Variants in CTNNA3 observed in about 807,000 individuals in gnomAD.
CTNNA3 encodes catenin alpha-3.
Under a neutral mutation model 95.7 loss-of-function variants are expected in CTNNA3, and 76 were observed. The observed-to-expected ratio is 0.79, with a 90% confidence interval of 0.66 to 0.96. CTNNA3 has a LOEUF of 0.96. CTNNA3 is among the 40% of genes least tolerant of loss of function. The pLI is 0.00. For missense variants in CTNNA3, 1,191 were observed against 1,089.8 expected (o/e 1.09, Z -1.31); for synonymous variants, 431 against 374.4 (o/e 1.15, Z -1.74).
chr10:67,178,864 C>T (rs1249292691), intron 7 of CTNNA3, among the ~76,000 whole-genome samples: 2 of 151,846 alleles, frequency 1.3e-5, no homozygotes, highest in African/African-American at 2.4e-5. Flanking sequence ...ATATTATATG[C>T]TAAAAATGGG....
intron 7 of CTNNA3, among the ~76,000 whole-genome samples, chr10:66,812,807 A>G (rs1841934230): frequency 1.3e-5 from 2 of 152,302 alleles, no homozygotes; most frequent in South Asian, 4.1e-4. Flanking sequence ...TTCTAGATGT[A>G]TAACTGCAAA....
chr10:67,270,479 T>C (rs2132415925), intron 5 of CTNNA3, among the ~76,000 whole-genome samples: 1 of 152,270 alleles, frequency 6.6e-6, no homozygotes, highest in East Asian at 1.9e-4. Context: ...ATACCAAAAA[T>C]AGTACTTAAG....
intron 5 of CTNNA3, among the ~76,000 whole-genome samples, chr10:67,305,200 C>T (rs568960606): frequency 7.9e-5 from 12 of 152,034 alleles, no homozygotes; most frequent in Admixed American, 2.0e-4. Flanking sequence ...GGTGTGAACC[C>T]GGGAGGTGGA....
intron 3 of CTNNA3, among the ~76,000 whole-genome samples, chr10:67,601,173 C>A (rs1843072281): frequency 2.0e-5 from 3 of 152,126 alleles, no homozygotes; most frequent in African/African-American, 4.8e-5. Flanking sequence ...CTTCAATAAA[C>A]CATTTAAAAC....
intron 7 of CTNNA3, among the ~76,000 whole-genome samples, chr10:66,890,128 T>C (rs1845209901): frequency 6.6e-6 from 1 of 152,070 alleles, no homozygotes; most frequent in Non-Finnish European, 1.5e-5. Flanking sequence ...GAAAGCAAAA[T>C]TTCCATTTTG....
At chr10:67,223,889 T>G (rs1461071599) in intron 5 of CTNNA3, among the ~76,000 whole-genome samples, 1 of 152,202 alleles carries the variant, frequency 6.6e-6, no homozygotes, top group Non-Finnish European at 1.5e-5. Context: ...GGACAGTCTC[T>G]CAGTTTGAAG....
intron 6 of CTNNA3, among the ~76,000 whole-genome samples, chr10:67,205,496 G>T (rs1249063493): frequency 6.6e-6 from 1 of 152,136 alleles, no homozygotes; most frequent in Non-Finnish European, 1.5e-5. Context: ...ACTGTGAAAA[G>T]TCATTAAACA....
At chr10:67,741,062 A>G (rs1215236278) in intron 1 of CTNNA3, among the ~76,000 whole-genome samples, 2 of 151,206 alleles carry the variant, frequency 1.3e-5, no homozygotes, top group African/African-American at 4.8e-5. Context: ...CGCAAGAACA[A>G]AAAAACAAAC....
intron 7 of CTNNA3, among the ~76,000 whole-genome samples, chr10:66,950,720 A>T (rs1276805855): frequency 1.3e-5 from 2 of 152,210 alleles, no homozygotes; most frequent in Non-Finnish European, 2.9e-5. Context: ...CAACCTTTGT[A>T]GCTACATGCA....
chr10:67,754,007 A>C (rs1373360507), intron 1 of CTNNA3, among the ~76,000 whole-genome samples: 1 of 152,216 alleles, frequency 6.6e-6, no homozygotes, highest in East Asian at 1.9e-4. Flanking sequence ...ATAAAGATAC[A>C]TGCACACATA....
At chr10:66,999,372 T>A (rs1363487357) in intron 7 of CTNNA3, among the ~76,000 whole-genome samples, 3 of 152,250 alleles carry the variant, frequency 2.0e-5, no homozygotes, top group South Asian at 2.1e-4. Context: ...AAACTTGGGA[T>A]TCCTGAAAAA....
intron 2 of CTNNA3, among the ~76,000 whole-genome samples, chr10:67,609,066 G>A (rs979952396): frequency 2.4e-5 from 3 of 125,814 alleles, no homozygotes; most frequent in Non-Finnish European, 4.7e-5. Context: ...CTCCAGCCTG[G>A]GCAACAAGGG....
At chr10:66,046,702 AAGAT>A (rs548487011) in intron 15 of CTNNA3, among the ~76,000 whole-genome samples, 17 of 152,236 alleles carry the variant, frequency 1.1e-4, no homozygotes, top group East Asian at 7.7e-4. Context: ...AAAAAATAAT[AAGAT>A]AGATAGGCTA....
At chr10:66,366,685 T>C (rs765561254) in intron 12 of CTNNA3, among the ~76,000 whole-genome samples, 5 of 152,156 alleles carry the variant, frequency 3.3e-5, no homozygotes, top group South Asian at 2.1e-4. Flanking sequence ...TGTTTATAAC[T>C]TGCCCAGACT....
At chr10:66,899,692 G>A (rs1006594127) in intron 7 of CTNNA3, among the ~76,000 whole-genome samples, 3 of 152,102 alleles carry the variant, frequency 2.0e-5, no homozygotes, top group Non-Finnish European at 2.9e-5. Flanking sequence ...CAGACCAGGC[G>A]ATTCCCTCCC....
chr10:66,337,526 A>G (rs892963517), intron 12 of CTNNA3, among the ~76,000 whole-genome samples: 3 of 152,100 alleles, frequency 2.0e-5, no homozygotes, highest in Non-Finnish European at 2.9e-5. Context: ...CTCTAAGGTG[A>G]TAAGAGGAAG....
intron 9 of CTNNA3, among the ~76,000 whole-genome samples, chr10:66,723,216 T>C (rs1214324728): frequency 3.3e-5 from 5 of 152,202 alleles, no homozygotes; most frequent in South Asian, 2.1e-4. Context: ...TCTCTCTTTA[T>C]GCAGGCTATG....
chr10:66,537,058 A>G (rs1264539613), intron 10 of CTNNA3, among the ~76,000 whole-genome samples: 1 of 152,176 alleles, frequency 6.6e-6, no homozygotes, highest in Non-Finnish European at 1.5e-5. Flanking sequence ...ACTGAAAAAA[A>G]AAAAGACTTA....
intron 7 of CTNNA3, among the ~76,000 whole-genome samples, chr10:66,831,305 A>G (rs1258754879): frequency 6.6e-6 from 1 of 152,056 alleles, no homozygotes; most frequent in African/African-American, 2.4e-5. Context: ...CTTCAATCCC[A>G]TTTCTGGCCC....
Sources: gnomAD v4.1 joint callset for allele counts (sites outside exome capture counted in the v4.1 genomes callset) on GRCh38, gnomAD v4.1.1 for gene constraint, MANE v1.5 for transcripts, NCBI Gene and HGNC (gene_info 2026-07-23, HGNC 2026-07-21) for gene names.